Variants in AUTS2 observed in about 807,000 individuals in gnomAD.
The protein encoded by AUTS2 is activator of transcription and developmental regulator AUTS2, also known as autism susceptibility gene 2 protein.
In AUTS2, 17 loss-of-function variants were observed where a neutral mutation model predicts 112.4. The ratio of observed to expected loss-of-function variants is 0.15; its 90% confidence interval spans 0.10 to 0.23. AUTS2 has a LOEUF of 0.23. Ranked by LOEUF, AUTS2 falls within the 10% of genes least tolerant of loss-of-function variation. The pLI is 1.00. For missense variants in AUTS2, 1,510 were observed against 1,701.6 expected, an observed-to-expected ratio of 0.89 and a Z score of 1.98; for synonymous variants, 751 against 702.7, an observed-to-expected ratio of 1.07 and a Z score of -1.09.
chr7:69,649,159 C>CA (rs1795175067), intron 1 of AUTS2, among the ~76,000 whole-genome samples: 1 of 152,162 alleles, frequency 6.6e-6, no homozygotes, highest in Non-Finnish European at 1.5e-5. Context: ...GCCAGTTTTT[C>CA]ACTACACTTT....
At chr7:69,801,007 T>G (rs375339202) in intron 1 of AUTS2, among the ~76,000 whole-genome samples, 1 of 152,046 alleles carries the variant, frequency 6.6e-6, no homozygotes, top group East Asian at 1.9e-4. Context: ...GCTTCTATGG[T>G]CCCCTCATTT....
intron 4 of AUTS2, among the ~76,000 whole-genome samples, chr7:70,389,743 C>G (rs542767584): frequency 6.6e-6 from 1 of 152,036 alleles, no homozygotes; most frequent in South Asian, 2.1e-4. Flanking sequence ...ACCCTCCTCT[C>G]CTCTCATAAC....
intron 5 of AUTS2, among the ~76,000 whole-genome samples, chr7:70,646,587 G>GC (rs1014255451): frequency 6.6e-6 from 1 of 152,212 alleles, no homozygotes; most frequent in Non-Finnish European, 1.5e-5. Flanking sequence ...ACCGCCTCTG[G>GC]CCCCCCAAGG....
intron 4 of AUTS2, among the ~76,000 whole-genome samples, chr7:70,337,693 T>C (rs542521225): frequency 6.6e-6 from 1 of 152,366 alleles, no homozygotes; most frequent in Admixed American, 6.5e-5. Flanking sequence ...TCTTTAGCAC[T>C]GTGGCACTAT....
intron 4 of AUTS2, among the ~76,000 whole-genome samples, chr7:70,434,183 A>G (rs1795795530): frequency 6.6e-6 from 1 of 152,222 alleles, no homozygotes; most frequent in Admixed American, 6.5e-5. Flanking sequence ...AGCCCTCAGC[A>G]GATTTCAGAA....
chr7:70,359,554 G>A (rs956811051), intron 4 of AUTS2, among the ~76,000 whole-genome samples: 3 of 152,138 alleles, frequency 2.0e-5, no homozygotes, highest in Non-Finnish European at 2.9e-5. Context: ...AAGTGGACAC[G>A]GGTGAAGAAA....
intron 1 of AUTS2, among the ~76,000 whole-genome samples, chr7:69,893,496 C>T (rs1330687122): frequency 6.6e-6 from 1 of 152,164 alleles, no homozygotes; most frequent in African/African-American, 2.4e-5. Context: ...GTCATTGTGT[C>T]ATTGGGGACA....
At chr7:69,755,074 A>G (rs752253210) in intron 1 of AUTS2, among the ~76,000 whole-genome samples, 10 of 152,200 alleles carry the variant, frequency 6.6e-5, no homozygotes, top group Non-Finnish European at 1.2e-4. Flanking sequence ...GATTAGAGAT[A>G]TAAGGAGGTT....
intron 1 of AUTS2, among the ~76,000 whole-genome samples, chr7:69,846,169 TC>T (rs1792192265): frequency 1.3e-5 from 2 of 152,166 alleles, no homozygotes; most frequent in African/African-American, 4.8e-5. Context: ...ATATTGATAT[TC>T]ACAAAGTTTA....
intron 5 of AUTS2, among the ~76,000 whole-genome samples, chr7:70,484,515 C>T (rs1226940445): frequency 6.6e-6 from 1 of 152,206 alleles, no homozygotes; most frequent in Non-Finnish European, 1.5e-5. Flanking sequence ...AGCTTTCATT[C>T]TCATTCTTAG....
chr7:70,072,306 C>T (rs1802811322), intron 2 of AUTS2, among the ~76,000 whole-genome samples: 1 of 152,154 alleles, frequency 6.6e-6, no homozygotes, highest in Non-Finnish European at 1.5e-5. Context: ...GAGTTATTCT[C>T]TCCTTTTAGG....
intron 4 of AUTS2, among the ~76,000 whole-genome samples, chr7:70,174,034 A>G (rs1354514740): frequency 6.6e-6 from 1 of 152,238 alleles, no homozygotes; most frequent in Non-Finnish European, 1.5e-5. Flanking sequence ...TAGCTTAGTA[A>G]GGAAGGCATG....
At chr7:70,676,956 C>T (rs912793807) in intron 5 of AUTS2, among the ~76,000 whole-genome samples, 3 of 152,184 alleles carry the variant, frequency 2.0e-5, no homozygotes, top group Non-Finnish European at 4.4e-5. Context: ...ACATACTTGC[C>T]TCTATGTTCT....
intron 1 of AUTS2, among the ~76,000 whole-genome samples, chr7:69,894,628 C>T (rs140357306): frequency 3.0e-4 from 46 of 152,208 alleles, no homozygotes; most frequent in East Asian, 2.5e-3. Context: ...TGTCTAGAAA[C>T]GAGAAAATTT....
At chr7:70,212,510 T>G (rs974239991) in intron 4 of AUTS2, among the ~76,000 whole-genome samples, 4 of 152,200 alleles carry the variant, frequency 2.6e-5, no homozygotes, top group Non-Finnish European at 4.4e-5. Flanking sequence ...TTATTTCTGT[T>G]TCCTCAAATT....
chr7:70,291,889 C>T (rs1298392193), intron 4 of AUTS2: 4 of 152,140 alleles, frequency 2.6e-5, no homozygotes, highest in Non-Finnish European at 5.9e-5. Context: ...CACCCACTCT[C>T]CCAGGTCAGG....
rs1265048000 is a variant in AUTS2 at position 69,710,248 on chromosome 7, TA to T, written c.309+110288del. Among the ~76,000 whole-genome samples, 11 of 152,342 alleles carry T rather than the reference TA, an allele frequency of 7.2e-5. No individual in the cohort carries two copies. The East Asian group carries it at 2.1e-3, about 29-fold the overall frequency. On this transcript the variant is annotated intron_variant, in intron 1 of 18. Transcript: ENST00000342771. ...CTATAGTTTGTCAGGGTTTAGATCT[TA>T]ATTAGCTCATGAGATTGCATCCTTT...
At chr7:69,776,771 G>C (rs561019791) in intron 1 of AUTS2, among the ~76,000 whole-genome samples, 4 of 152,262 alleles carry the variant, frequency 2.6e-5, no homozygotes, top group African/African-American at 9.6e-5. Context: ...GGAATGTTTG[G>C]ATGTGGTACA....
rs75342895 is a variant in AUTS2 at position 70,358,945 on chromosome 7, G to C, written c.661-76807G>C. Reference sequence around the variant, plus strand: ...GTGTCTGCGGACACAAGGTGTGAAGGCTTAGTCTTTAGATTCAATACTGGA... The same window carrying C: ...GTGTCTGCGGACACAAGGTGTGAAGCCTTAGTCTTTAGATTCAATACTGGA... On this transcript the variant is annotated intron_variant, in intron 4 of 18. Coordinates refer to ENST00000342771, the MANE Select transcript of AUTS2 (RefSeq NM_015570.4). Among the ~76,000 whole-genome samples the C allele has an allele frequency of 2.2e-3, 335 of 152,342 alleles. 3 individuals carry two copies. Among genetic ancestry groups the C allele is most frequent in the African/African-American group, 7.7e-3 (320 of 41,580 alleles).
Sources: gnomAD v4.1 joint callset for allele counts (sites outside exome capture counted in the v4.1 genomes callset) on GRCh38, gnomAD v4.1.1 for gene constraint, MANE v1.5 for transcripts, NCBI Gene and HGNC (gene_info 2026-07-23, HGNC 2026-07-21) for gene names.